SIPA1L3: variants seen among roughly 807,000 people sequenced by gnomAD.
SIPA1L3 encodes the protein signal-induced proliferation-associated 1-like protein 3.
In SIPA1L3, 59 loss-of-function variants were observed where a neutral mutation model predicts 150.1. The ratio of observed to expected loss-of-function variants is 0.39; its 90% confidence interval spans 0.32 to 0.49. The LOEUF (loss-of-function observed/expected upper bound fraction) is 0.49, where lower values mean the gene tolerates loss of function less well. Ranked by LOEUF, SIPA1L3 falls within the 20% of genes least tolerant of loss-of-function variation. The probability of loss-of-function intolerance (pLI) is 0.86; values close to 1 mark genes in which losing one functional copy is unlikely to be tolerated. For missense variants in SIPA1L3, 2,211 were observed against 2,489.5 expected (o/e 0.89, Z 2.38); for synonymous variants, 1,070 against 1,077.6 (o/e 0.99, Z 0.14).
chr19:38,043,152 C>T (rs1968964357), intron 2 of SIPA1L3, among the ~76,000 whole-genome samples: 1 of 152,092 alleles, frequency 6.6e-6, no homozygotes, highest in African/African-American at 2.4e-5. Flanking sequence ...CCAGCCTGGC[C>T]AACATGGTGA....
chr19:37,934,642 G>A (rs960765507), intron 1 of SIPA1L3, among the ~76,000 whole-genome samples: 2 of 151,892 alleles, frequency 1.3e-5, no homozygotes, highest in Admixed American at 1.3e-4. Flanking sequence ...TAATATTTTC[G>A]GTCTGTCCTT....
At chr19:38,083,493 A>G (rs1970055755) in intron 3 of SIPA1L3, among the ~76,000 whole-genome samples, 1 of 152,126 alleles carries the variant, frequency 6.6e-6, no homozygotes, top group South Asian at 2.1e-4. Flanking sequence ...TAAATACGAA[A>G]AATACACAAG....
At chr19:37,996,075 G>C (rs1171542403) in intron 1 of SIPA1L3, among the ~76,000 whole-genome samples, 1 of 152,102 alleles carries the variant, frequency 6.6e-6, no homozygotes, top group Non-Finnish European at 1.5e-5. Context: ...CACCACACCT[G>C]GCTGATTTTT....
In SIPA1L3 at chr19:38,119,348, C is replaced by T. The variant is rs779542594; in HGVS notation, c.2334C>T (p.Pro778=). 1.4e-5 allele frequency: 22 copies of T among 1,614,086 alleles called. No homozygotes were observed. Among genetic ancestry groups the T allele is most frequent in the South Asian group, 3.3e-5 (3 of 91,084 alleles). The part of the protein sequence containing the change: ...TRSKDAPPFG[P]PIPSGTTFRK... Reference sequence around the variant, plus strand: ...CCAAAGACGCTCCTCCTTTCGGCCCCCCCATCCCCAGTGGAACCACATTCC... The same window carrying T: ...CCAAAGACGCTCCTCCTTTCGGCCCTCCCATCCCCAGTGGAACCACATTCC... Residue 778 remains proline, a synonymous_variant, in exon 9 of 22, where the codon CCC becomes CCT. Coordinates refer to ENST00000222345, the MANE Select transcript of SIPA1L3 (RefSeq NM_015073.3).
At chr19:38,061,669 A>G (rs1453318214) in intron 2 of SIPA1L3, among the ~76,000 whole-genome samples, 1 of 152,002 alleles carries the variant, frequency 6.6e-6, no homozygotes, top group East Asian at 1.9e-4. Flanking sequence ...GTAGGGGGAC[A>G]GGAGTACAGA....
chr19:38,130,941 C>T lies in SIPA1L3; in HGVS notation c.3143+169C>T, dbSNP rs563815238. The T allele has an allele frequency of 4.4e-5, 30 of 678,798 alleles. No homozygotes were observed. In the East Asian group the frequency reaches 6.1e-4, roughly 14 times the overall value. The allele number at this position is 678,798 out of a possible 1,614,324, so 42.0% of individuals were successfully genotyped here. ...GGACGGGGAGGGCACATCTACAGAG[C>T]GCTTACTGTATGCCAGTTATTGGTT... On this transcript the variant is annotated intron_variant, in intron 10 of 21. Transcript: ENST00000222345.
intron 1 of SIPA1L3, among the ~76,000 whole-genome samples, chr19:37,921,545 A>T (rs1182278872): frequency 2.0e-5 from 3 of 151,816 alleles, no homozygotes; most frequent in African/African-American, 7.2e-5. Context: ...CACCCCCTCA[A>T]GCTTCCATAA....
chr19:38,088,828 A>G lies in SIPA1L3; in HGVS notation c.1642A>G (p.Arg548Gly). Residue 548 changes from arginine to glycine, a missense_variant, in exon 4 of 22, where the codon AGG becomes GGG. Arg to Gly is a moderately radical substitution (Grantham distance 125, BLOSUM62 -2). Around this residue, in one of 5 missense-constraint regions of SIPA1L3, gnomAD observed 625 missense variants for 804.2 expected, o/e 0.78. Coordinates refer to ENST00000222345, the MANE Select transcript of SIPA1L3 (RefSeq NM_015073.3). ...HKEHGPQYQY[R>G]IIFRTRELIT... is the part of the protein sequence containing the mutation. ...GGAGCACGGACCTCAGTACCAGTAC[A>G]GGATCATCTTCCGGACCCGCGAGGT... 1 of 1,614,074 alleles carries G rather than the reference A, an allele frequency of 6.2e-7. No homozygotes were observed. Among genetic ancestry groups the G allele is most frequent in the Non-Finnish European group, 8.5e-7 (1 of 1,179,952 alleles).
chr19:38,133,215 T>G lies in SIPA1L3; in HGVS notation c.3143+2443T>G, dbSNP rs369961362. 1.1e-4 allele frequency among the ~76,000 whole-genome samples: 16 copies of G among 152,212 alleles called. 1 individual carries two copies. The highest frequency in any genetic ancestry group is 7.9e-4 in the Admixed American group (12 of 15,286). On this transcript the variant is annotated intron_variant, in intron 10 of 21. Coordinates refer to ENST00000222345, the MANE Select transcript of SIPA1L3 (RefSeq NM_015073.3). Reference sequence around the variant, plus strand: ...GTGACACTAGGGGCAAGCAGAGGCTTCAGACAGCGGCACCTGGCCATCACC... The same window carrying G: ...GTGACACTAGGGGCAAGCAGAGGCTGCAGACAGCGGCACCTGGCCATCACC...
chr19:37,915,385 G>A (rs1281720868), intron 1 of SIPA1L3, among the ~76,000 whole-genome samples: 2 of 151,850 alleles, frequency 1.3e-5, no homozygotes, highest in African/African-American at 4.8e-5. Context: ...TTGTTTGTTT[G>A]TTTTTGTTTT....
At chr19:38,201,281 T>C (rs766431135) in intron 19 of SIPA1L3, among the ~76,000 whole-genome samples, 1 of 152,250 alleles carries the variant, frequency 6.6e-6, no homozygotes, top group African/African-American at 2.4e-5. Context: ...ACAGCTCAGG[T>C]GCCCCCAGTG....
intron 2 of SIPA1L3, among the ~76,000 whole-genome samples, chr19:38,063,711 G>A (rs1456722021): frequency 6.6e-6 from 1 of 152,204 alleles, no homozygotes; most frequent in East Asian, 1.9e-4. Flanking sequence ...AGTGGCCCAC[G>A]GGAGCAGGCC....
At chr19:38,025,294 ATGTCACCTGTG>A (rs1296495489) in intron 1 of SIPA1L3, among the ~76,000 whole-genome samples, 1 of 152,158 alleles carries the variant, frequency 6.6e-6, no homozygotes, top group African/African-American at 2.4e-5. Context: ...CTCGGCCTGT[ATGTCACCTGTG>A]TGATGAATGG....
chr19:38,183,916 A>G (rs1449641046), intron 16 of SIPA1L3, among the ~76,000 whole-genome samples: 1 of 152,184 alleles, frequency 6.6e-6, no homozygotes, highest in Non-Finnish European at 1.5e-5. Context: ...TAATCCTCCC[A>G]GAGGTCGCCG....
intron 6 of SIPA1L3, 111 bp downstream of exon 6, chr19:38,101,337 TC>T (rs1204572411): frequency 1.4e-6 from 1 of 698,352 alleles, no homozygotes; most frequent in Non-Finnish European, 2.2e-6. Flanking sequence ...CAGTGGGAGC[TC>T]TCAGACTTCA....
Position 38,195,785 on chromosome 19 carries a change from A to G in SIPA1L3, c.4840+2005A>G, listed in dbSNP as rs1252500233. Among the ~76,000 whole-genome samples the G allele has an allele frequency of 5.7e-5, 5 of 87,832 alleles. 1 individual carries two copies. Among genetic ancestry groups the G allele is most frequent in the African/African-American group, 2.5e-4 (5 of 20,120 alleles). 57.6% of individuals were successfully genotyped at this position (87,832 alleles called of 152,430 possible). A position where few individuals can be genotyped will look rare whatever the true frequency, so the allele number is the denominator to read the frequency against. On this transcript the variant is annotated intron_variant, in intron 18 of 21. Transcript: ENST00000222345. ...ACCAGGCTGAGTCAGGCACCACCAC[A>G]GGCCCCGTCCCCCCCCGCCCCCCCG...
chr19:38,121,776 T>C (rs1392684133), intron 9 of SIPA1L3, among the ~76,000 whole-genome samples: 1 of 151,676 alleles, frequency 6.6e-6, no homozygotes, highest in Admixed American at 6.6e-5. Flanking sequence ...ATAAATTAGC[T>C]GGGCATGGTG....
chr19:37,920,818 A>C (rs994134705), intron 1 of SIPA1L3, among the ~76,000 whole-genome samples: 4 of 152,198 alleles, frequency 2.6e-5, no homozygotes, highest in African/African-American at 4.8e-5. Flanking sequence ...GCCAGGCCCC[A>C]GCAGCCCTGG....
chr19:38,178,744 G>A (rs1036160847), intron 15 of SIPA1L3, among the ~76,000 whole-genome samples: 3 of 152,102 alleles, frequency 2.0e-5, no homozygotes, highest in African/African-American at 4.8e-5. Flanking sequence ...CCAAAGTGCC[G>A]GGATTACAGG....
Sources: gnomAD v4.1 joint callset for allele counts (sites outside exome capture counted in the v4.1 genomes callset) on GRCh38, gnomAD v4.1.1 for gene constraint, gnomAD v4.1.1 regional missense constraint, MANE v1.5 for transcripts, NCBI Gene and HGNC (gene_info 2026-07-23, HGNC 2026-07-21) for gene names.